The following SMAD9 variants were observed in gnomAD, a reference collection of about 807,000 sequenced individuals.
SMAD9 encodes SMAD family member 9, also known as MAD homolog 9.
SMAD9 carries 36 observed loss-of-function variants against 46.1 expected under a neutral mutation model. The ratio of observed to expected loss-of-function variants is 0.78; its 90% CI spans 0.60 to 1.03. The LOEUF (loss-of-function observed/expected upper bound fraction) is 1.03. Among genes scored for constraint, SMAD9 ranks in the 50% least tolerant of loss-of-function variants. The probability of loss-of-function intolerance (pLI) is 0.00; values close to 1 mark genes in which losing one functional copy is unlikely to be tolerated. For missense variants in SMAD9, 572 were observed against 599.8 expected (o/e 0.95, Z 0.48); for synonymous variants, 245 against 237.1 (o/e 1.03, Z -0.31).
At chr13:36,911,567 T>G (rs1237997443) in intron 1 of SMAD9, among the ~76,000 whole-genome samples, 1 of 145,276 alleles carries the variant, frequency 6.9e-6, no homozygotes, top group Non-Finnish European at 1.5e-5. Context: ...TTTTAAAATT[T>G]TATAGATGTG....
At chr13:36,911,399 A>G (rs1357253713) in intron 1 of SMAD9, among the ~76,000 whole-genome samples, 1 of 152,198 alleles carries the variant, frequency 6.6e-6, no homozygotes, top group African/African-American at 2.4e-5. Flanking sequence ...AATTTCTTTG[A>G]AAGACAGAAT....
chr13:36,878,260 T>G (rs555125886), intron 2 of SMAD9, among the ~76,000 whole-genome samples: 9 of 152,328 alleles, frequency 5.9e-5, no homozygotes, highest in African/African-American at 2.2e-4. Flanking sequence ...CATGTTTTGC[T>G]TGAGGGACCA....
rs1555247349 is a variant in SMAD9, at chr13:36,920,184, AGCAGCGGCGGCG to A, written c.-267_-256del. 4.0e-4 allele frequency: 29 copies of A among 73,138 alleles called. No individual in the cohort carries two copies. The East Asian group carries it at 8.7e-3, about 22-fold the overall frequency. The allele number at this position is 73,138 out of a possible 1,614,324, so 4.5% of individuals were successfully genotyped here. On this transcript the variant is annotated 5_prime_UTR_variant, in exon 1 of 7. Transcript: ENST00000379826. Reference sequence around the variant, plus strand: ...CGGCGGGGACCGAGACAGCGGCTGCAGCAGCGGCGGCGGCGGCGGCGGCGGCGGCGGCCCCAG... The same window carrying A: ...CGGCGGGGACCGAGACAGCGGCTGCAGCGGCGGCGGCGGCGGCGGCCCCAG...
At chr13:36,897,790 AGC>A in intron 1 of SMAD9, among the ~76,000 whole-genome samples, 1 of 150,746 alleles carries the variant, frequency 6.6e-6, no homozygotes. Flanking sequence ...ACTTACAAGG[AGC>A]TATTTACCCA....
At chr13:36,878,621 A>G (rs1439865204) in intron 2 of SMAD9, among the ~76,000 whole-genome samples, 2 of 152,102 alleles carry the variant, frequency 1.3e-5, no homozygotes, top group African/African-American at 2.4e-5. Flanking sequence ...CAACTCTTTC[A>G]TTGGCTGTTT....
intron 1 of SMAD9, among the ~76,000 whole-genome samples, chr13:36,910,122 G>C (rs944155234): frequency 4.6e-5 from 7 of 152,134 alleles, no homozygotes; most frequent in African/African-American, 1.7e-4. Flanking sequence ...GCATGAACCG[G>C]GGAGGCAGAG....
chr13:36,845,835 T>G lies in SMAD9; in HGVS notation c.*2841A>C, dbSNP rs575718491. 2 of 152,368 alleles carry G rather than the reference T, an allele frequency of 1.3e-5. No individual in the cohort carries two copies. Among genetic ancestry groups the G allele is most frequent in the African/African-American group, 4.8e-5 (2 of 41,600 alleles). 9.4% of individuals were successfully genotyped at this position (152,368 alleles called of 1,614,324 possible). ...GTACAAGCATCATAATAAAGGCTTT[T>G]GATGAGACATGACTGGTGATGATCA... On this transcript the variant is annotated 3_prime_UTR_variant, in exon 7 of 7. Coordinates refer to ENST00000379826, the MANE Select transcript of SMAD9 (RefSeq NM_001127217.3).
At chr13:36,856,369 G>A (rs61331088) in intron 5 of SMAD9, among the ~76,000 whole-genome samples, 92 of 152,276 alleles carry the variant, frequency 6.0e-4, no homozygotes, top group African/African-American at 2.0e-3. Context: ...TATCTTCAGG[G>A]GTTGGTTTTC....
At chr13:36,907,203 AG>A (rs1376013840) in intron 1 of SMAD9, among the ~76,000 whole-genome samples, 3 of 152,210 alleles carry the variant, frequency 2.0e-5, no homozygotes, top group African/African-American at 7.2e-5. Context: ...TTCATAGAGA[AG>A]AAAGTAGAAT....
chr13:36,911,696 GC>G (rs1457085144), intron 1 of SMAD9, among the ~76,000 whole-genome samples: 1 of 150,928 alleles, frequency 6.6e-6, no homozygotes, highest in African/African-American at 2.4e-5. Context: ...GTTCGGGGAA[GC>G]TCAATTTATT....
In SMAD9 at chr13:36,848,318, T is replaced by G. The variant is rs1393661457; in HGVS notation, c.*358A>C. 5 of 279,766 alleles carry G rather than the reference T, an allele frequency of 1.8e-5. No homozygotes were observed. The East Asian group carries it at 4.4e-4, about 25-fold the overall frequency. The allele number at this position is 279,766 out of a possible 1,614,324, so 17.3% of individuals were successfully genotyped here. A position where few individuals can be genotyped will look rare whatever the true frequency, so the allele number is the denominator to read the frequency against. Reference sequence around the variant, plus strand: ...TACCTGACTTTTGCTGTATAAACAGTTTCAATGTTTCTGTGAGGCCACACA... The same window carrying G: ...TACCTGACTTTTGCTGTATAAACAGGTTCAATGTTTCTGTGAGGCCACACA... On this transcript the variant is annotated 3_prime_UTR_variant, in exon 7 of 7. Transcript: ENST00000379826.
At chr13:36,880,500 C>T (rs1043163371) in intron 1 of SMAD9, among the ~76,000 whole-genome samples, 1 of 152,208 alleles carries the variant, frequency 6.6e-6, no homozygotes. Flanking sequence ...AAAAAAGAAT[C>T]GTGAATAATC....
chr13:36,916,730 G>GT (rs1047123885), intron 1 of SMAD9, among the ~76,000 whole-genome samples: 20 of 151,838 alleles, frequency 1.3e-4, no homozygotes, highest in Admixed American at 1.3e-4. Context: ...TACAAAACAG[G>GT]TAAGAGTTGA....
intron 1 of SMAD9, among the ~76,000 whole-genome samples, chr13:36,883,496 A>T (rs2058420801): frequency 6.6e-6 from 1 of 152,248 alleles, no homozygotes; most frequent in Non-Finnish European, 1.5e-5. Flanking sequence ...CTCGCCTGTA[A>T]TCCCAGCACT....
At chr13:36,907,195 CAT>C (rs2058626545) in intron 1 of SMAD9, among the ~76,000 whole-genome samples, 1 of 151,936 alleles carries the variant, frequency 6.6e-6, no homozygotes, top group African/African-American at 2.4e-5. Flanking sequence ...TAGGGAAATT[CAT>C]AGAGAAGAAA....
Position 36,865,440 on chromosome 13 carries a change from A to G in SMAD9, c.1003+97T>C, listed in dbSNP as rs1400158104. ...AGCCCTGGGGTCCTTCCACAGGGGC[A>G]CATGACCAACATGTGAGGGTGGTCA... is the stretch of plus-strand genomic sequence containing the variant. On this transcript the variant is annotated intron_variant, in intron 5 of 6. Coordinates refer to ENST00000379826, the MANE Select transcript of SMAD9 (RefSeq NM_001127217.3). 4.0e-6 allele frequency: 4 copies of G among 990,286 alleles called. No individual in the cohort carries two copies. The Admixed American group carries it at 7.2e-5, about 18-fold the overall frequency. The allele number at this position is 990,286 out of a possible 1,614,324, so 61.3% of individuals were successfully genotyped here.
Position 36,872,662 on chromosome 13 carries a change from G to T in SMAD9, c.666C>A (p.His222Gln), listed in dbSNP as rs921360091. 1.7e-5 allele frequency: 28 copies of T among 1,614,014 alleles called. No homozygotes were observed. The highest frequency in any genetic ancestry group is 2.4e-5 in the Non-Finnish European group (28 of 1,180,016). The change falls in exon 3 of 7, where the codon CAC (histidine) becomes CAA (glutamine). Residue 222 changes from histidine to glutamine, a missense_variant. By Grantham distance (24) the His-to-Gln change is conservative (BLOSUM62 0). Transcript: ENST00000379826. ...SPSEPESPYQ[H>Q]SVDTPPLPYH... The stretch of plus-strand genomic sequence containing the variant: ...CAGACCATAGTTCTTACTGACCTGA[G>T]TGTTGATAGGGACTCTCTGGCTCAG...
chr13:36,866,580 A>C (rs1210876460), intron 4 of SMAD9, among the ~76,000 whole-genome samples: 1 of 152,168 alleles, frequency 6.6e-6, no homozygotes, highest in African/African-American at 2.4e-5. Flanking sequence ...ATTAAATATA[A>C]ATTTATGAAA....
intron 4 of SMAD9, 55 bp from the exon 5 acceptor site, chr13:36,865,813 G>T (rs958332711): frequency 7.0e-6 from 10 of 1,434,506 alleles, no homozygotes; most frequent in Admixed American, 1.8e-5. Context: ...GGGCTGTGTA[G>T]TTCATGATTC....
Sources: allele counts gnomAD v4.1 joint callset (sites outside exome capture counted in the v4.1 genomes callset), GRCh38; gene constraint gnomAD v4.1.1; transcripts MANE v1.5; gene names NCBI Gene and HGNC (gene_info 2026-07-23, HGNC 2026-07-21).